The following MED12L variants were observed in gnomAD, a reference collection of about 807,000 sequenced individuals.
MED12L encodes the protein mediator of RNA polymerase II transcription subunit 12-like protein.
A neutral mutation model predicts 281.3 loss-of-function variants in MED12L; 60 were observed. That is an observed-to-expected ratio of 0.21 (90% CI 0.17 to 0.26). The LOEUF is 0.26. Ranked by LOEUF, MED12L falls within the 10% of genes least tolerant of loss-of-function variation. MED12L has a pLI of 1.00. For missense variants in MED12L, 2,146 were observed against 2,680.9 expected (o/e 0.80, Z 4.41); for synonymous variants, 974 against 987.2 (o/e 0.99, Z 0.25).
chr3:151,118,999 C>A (rs951801143), intron 3 of MED12L, among the ~76,000 whole-genome samples: 17 of 152,084 alleles, frequency 1.1e-4, no homozygotes, highest in African/African-American at 4.1e-4. Flanking sequence ...AGAGCCTTAC[C>A]ATCTTTCTTA....
At chr3:151,154,684 T>C (rs548633356) in intron 5 of MED12L, among the ~76,000 whole-genome samples, 4 of 152,224 alleles carry the variant, frequency 2.6e-5, no homozygotes, top group Non-Finnish European at 5.9e-5. Context: ...ATTTGGATCC[T>C]TGTTATTTTT....
chr3:151,159,249 A>G (rs1410679241), intron 7 of MED12L, among the ~76,000 whole-genome samples: 1 of 152,252 alleles, frequency 6.6e-6, no homozygotes, highest in Non-Finnish European at 1.5e-5. Context: ...TGATGTATCT[A>G]GATGAGATTT....
At chr3:151,170,361 T>C (rs539484950) in intron 11 of MED12L, among the ~76,000 whole-genome samples, 2 of 151,434 alleles carry the variant, frequency 1.3e-5, no homozygotes, top group Non-Finnish European at 2.9e-5. Flanking sequence ...CTGTAACCTC[T>C]GCCTCCTGAG....
chr3:151,368,239 C>T lies in MED12L; in HGVS notation c.3538C>T (p.Pro1180Ser), dbSNP rs755457162. The change falls in exon 25 of 45, where the codon CCT becomes TCT. Residue 1180 changes from proline to serine, a missense_variant. Coordinates refer to ENST00000687756, the MANE Select transcript of MED12L (RefSeq NM_001393769.1). Reference protein sequence around the residue: ...LFRAPQACFLPQATGKPFPGI... With the variant: ...LFRAPQACFLSQATGKPFPGI... ...CCGAGCTCCCCAGGCCTGCTTCTTA[C>T]CTCAAGCAACGGGTGAGCTGACTGC... 1 of 1,613,804 alleles carries T rather than the reference C, an allele frequency of 6.2e-7. No homozygotes were observed. Among genetic ancestry groups the T allele is most frequent in the South Asian group, 1.1e-5 (1 of 91,068 alleles).
intron 16 of MED12L, among the ~76,000 whole-genome samples, chr3:151,226,046 C>A (rs1430219418): frequency 6.6e-6 from 1 of 152,160 alleles, no homozygotes; most frequent in Admixed American, 6.5e-5. Flanking sequence ...TATGGAAACA[C>A]ATCAGGGAAC....
At chr3:151,327,237 C>G (rs1452325297) in intron 16 of MED12L, 1 of 152,088 alleles carries the variant, frequency 6.6e-6, no homozygotes, top group Admixed American at 6.6e-5. Flanking sequence ...GGTTGTGGTC[C>G]AGGAAGGCAT....
intron 16 of MED12L, among the ~76,000 whole-genome samples, chr3:151,218,892 A>T (rs982578437): frequency 7.1e-6 from 1 of 141,576 alleles, no homozygotes; most frequent in African/African-American, 2.7e-5. Flanking sequence ...AAAAAAAAAA[A>T]AAAAAGAGGG....
At chr3:151,384,033 A>G in intron 34 of MED12L, 50 bp from the exon 35 acceptor site, 1 of 1,561,886 alleles carries the variant, frequency 6.4e-7, no homozygotes, top group Non-Finnish European at 8.7e-7. Flanking sequence ...CAGTTAAATA[A>G]GTGTATTTCA....
At chr3:151,358,927 T>C (rs1754277277) in intron 20 of MED12L, among the ~76,000 whole-genome samples, 2 of 152,206 alleles carry the variant, frequency 1.3e-5, no homozygotes, top group South Asian at 2.1e-4. Context: ...ATAGATAATA[T>C]CAGGATTTTG....
chr3:151,389,271 C>T (rs758142934), intron 37 of MED12L, among the ~76,000 whole-genome samples: 1 of 152,156 alleles, frequency 6.6e-6, no homozygotes, highest in Non-Finnish European at 1.5e-5. Flanking sequence ...ATCCTGCTCC[C>T]CAGGTCAGTC....
At chr3:151,131,450 C>G (rs1169033096) in intron 5 of MED12L, among the ~76,000 whole-genome samples, 1 of 151,878 alleles carries the variant, frequency 6.6e-6, no homozygotes, top group Non-Finnish European at 1.5e-5. Flanking sequence ...CCCTCCCCAC[C>G]AAAAAAATTA....
intron 19 of MED12L, 50 bp from the exon 20 acceptor site, chr3:151,357,163 C>T (rs377013265): frequency 9.1e-6 from 13 of 1,420,830 alleles, no homozygotes; most frequent in African/African-American, 1.4e-5. Flanking sequence ...AATGTTTTCT[C>T]TATTTGTTTT....
At chr3:151,345,944 C>T (rs1278766541) in intron 16 of MED12L, among the ~76,000 whole-genome samples, 3 of 152,144 alleles carry the variant, frequency 2.0e-5, no homozygotes, top group African/African-American at 7.2e-5. Flanking sequence ...CATGAGTTCC[C>T]TGAAAATATT....
chr3:151,384,132 A>T lies in MED12L; in HGVS notation c.4840A>T (p.Thr1614Ser). The change falls in exon 35 of 45, where the codon ACG (threonine) becomes TCG (serine). Residue 1614 changes from threonine (T) to serine (S), a missense_variant. This residue lies in a region of MED12L where 212 missense variants were observed against 340.8 expected (regional missense o/e 0.62). Coordinates refer to ENST00000687756, the MANE Select transcript of MED12L (RefSeq NM_001393769.1). ...LDMLGVLING[T>S]LASDLSNASP... ...CATGCTGGGTGTTTTAATCAATGGAACGTTAGCCTCTGACCTATCAAATGC... is the reference window on the plus strand; with the variant it reads ...CATGCTGGGTGTTTTAATCAATGGATCGTTAGCCTCTGACCTATCAAATGC... 1 of 1,614,076 alleles carries T rather than the reference A, an allele frequency of 6.2e-7. No individual in the cohort carries two copies. Among genetic ancestry groups the T allele is most frequent in the Non-Finnish European group, 8.5e-7 (1 of 1,179,942 alleles).
chr3:151,149,016 G>A (rs1406958660), intron 5 of MED12L, among the ~76,000 whole-genome samples: 1 of 152,190 alleles, frequency 6.6e-6, no homozygotes, highest in Non-Finnish European at 1.5e-5. Context: ...GCAGTGGTGA[G>A]TTTAAACTAC....
At chr3:151,419,870 A>T (rs374982360) in intron 43 of MED12L, among the ~76,000 whole-genome samples, 2 of 151,582 alleles carry the variant, frequency 1.3e-5, no homozygotes, top group East Asian at 3.9e-4. Context: ...TAAAATTAAG[A>T]TATTAGTACA....
chr3:151,328,248 G>A (rs1455021157), intron 16 of MED12L: 2 of 1,613,798 alleles, frequency 1.2e-6, no homozygotes, highest in African/African-American at 2.7e-5. Context: ...AAATGAAATG[G>A]AGCAAAACAC....
chr3:151,328,662 C>T (rs148391906), intron 16 of MED12L: 40 of 1,613,690 alleles, frequency 2.5e-5, no homozygotes, highest in East Asian at 6.7e-5. Flanking sequence ...CCTAACAGCA[C>T]GATGCCCACA....
intron 16 of MED12L, among the ~76,000 whole-genome samples, chr3:151,238,548 G>A (rs911290750): frequency 1.3e-5 from 2 of 152,164 alleles, no homozygotes; most frequent in Admixed American, 6.5e-5. Flanking sequence ...AGAGTACTAA[G>A]ATGTTGCTAT....
Sources: gnomAD v4.1 joint callset for allele counts (sites outside exome capture counted in the v4.1 genomes callset) on GRCh38, gnomAD v4.1.1 for gene constraint, gnomAD v4.1.1 regional missense constraint, MANE v1.5 for transcripts, NCBI Gene and HGNC (gene_info 2026-07-23, HGNC 2026-07-21) for gene names.